Variants in CREB5 observed in about 807,000 individuals in gnomAD.
CREB5 encodes cAMP responsive element binding protein 5, also known as cyclic AMP-responsive element-binding protein 5.
Under a neutral mutation model 57.1 loss-of-function variants are expected in CREB5, and 19 were observed. That is an observed-to-expected ratio of 0.33 (90% confidence interval 0.23 to 0.49). The LOEUF is 0.49. Ranked by LOEUF, CREB5 falls within the 20% of genes least tolerant of loss-of-function variation. The pLI, the probability that CREB5 is intolerant of heterozygous loss-of-function variation, is 0.99. For missense variants in CREB5, 579 were observed against 671.6 expected, an observed-to-expected ratio of 0.86 and a Z score of 1.52; for synonymous variants, 238 against 238.3, an observed-to-expected ratio of 1.00 and a Z score of 0.01.
chr7:28,541,406 A>G (rs1218069495), intron 4 of CREB5, among the ~76,000 whole-genome samples: 1 of 152,130 alleles, frequency 6.6e-6, no homozygotes, highest in African/African-American at 2.4e-5. Flanking sequence ...GGTGGCTCAC[A>G]CCTGTAATCC....
At chr7:28,346,434 A>G (rs1301069375) in intron 1 of CREB5, among the ~76,000 whole-genome samples, 1 of 152,234 alleles carries the variant, frequency 6.6e-6, no homozygotes, top group East Asian at 1.9e-4. Context: ...CGAGGGCTCC[A>G]CTCTCATGAC....
intron 5 of CREB5, among the ~76,000 whole-genome samples, chr7:28,673,901 T>C (rs1282640069): frequency 6.6e-6 from 1 of 152,022 alleles, no homozygotes; most frequent in African/African-American, 2.4e-5. Flanking sequence ...CTCAAACTCC[T>C]GGACTCAAGT....
chr7:28,491,306 G>T (rs141357850), intron 2 of CREB5: 385 of 964,524 alleles, frequency 4.0e-4, no homozygotes, highest in Middle Eastern at 2.7e-3. Context: ...GAAGATAAAG[G>T]GTGTAGACAA....
chr7:28,635,683 T>A, intron 5 of CREB5, among the ~76,000 whole-genome samples: 1 of 152,250 alleles, frequency 6.6e-6, no homozygotes, highest in East Asian at 1.9e-4. Context: ...CTATCTATGT[T>A]AATTTTGGTT....
intron 4 of CREB5, among the ~76,000 whole-genome samples, chr7:28,523,480 T>C (rs928626180): frequency 3.9e-5 from 6 of 152,170 alleles, no homozygotes; most frequent in Non-Finnish European, 5.9e-5. Context: ...AAAGGAAAGT[T>C]TGGCTTTTTT....
chr7:28,371,610 A>G (rs1786707637), intron 1 of CREB5, among the ~76,000 whole-genome samples: 1 of 152,116 alleles, frequency 6.6e-6, no homozygotes, highest in Non-Finnish European at 1.5e-5. Context: ...TGGCCCCAGC[A>G]GTCCTTTAGT....
At chr7:28,632,029 T>G (rs1025557856) in intron 5 of CREB5, among the ~76,000 whole-genome samples, 5 of 152,176 alleles carry the variant, frequency 3.3e-5, no homozygotes, top group African/African-American at 1.2e-4. Flanking sequence ...TAAAGTAGGC[T>G]AAACCCATGT....
At chr7:28,717,712 C>T (rs1308569378) in intron 5 of CREB5, among the ~76,000 whole-genome samples, 1 of 152,218 alleles carries the variant, frequency 6.6e-6, no homozygotes, top group African/African-American at 2.4e-5. Context: ...ATTCTGGAAG[C>T]ACTAGTTTCT....
intron 4 of CREB5, among the ~76,000 whole-genome samples, chr7:28,548,698 C>T (rs1794509567): frequency 6.6e-6 from 1 of 152,192 alleles, no homozygotes; most frequent in South Asian, 2.1e-4. Context: ...GCAGATTCTT[C>T]TTTTAATCAC....
chr7:28,445,753 G>A (rs112660012), intron 1 of CREB5, among the ~76,000 whole-genome samples: 35,507 of 151,302 alleles, frequency 0.23, 4,477 homozygotes, highest in East Asian at 0.46. Flanking sequence ...GGGTTTCACT[G>A]TGTTAGCCAG....
intron 4 of CREB5, among the ~76,000 whole-genome samples, chr7:28,515,281 G>A (rs1792895106): frequency 2.0e-5 from 3 of 152,144 alleles, no homozygotes; most frequent in Admixed American, 2.0e-4. Flanking sequence ...GACCGTCTTG[G>A]CCTTTCTCTG....
At chr7:28,747,672 C>G (rs1562614437) in intron 7 of CREB5, among the ~76,000 whole-genome samples, 1 of 152,162 alleles carries the variant, frequency 6.6e-6, no homozygotes, top group Non-Finnish European at 1.5e-5. Flanking sequence ...TTTCCAGTCT[C>G]TCCCTCTGAG....
intron 5 of CREB5, chr7:28,614,965 C>G (rs371457867): frequency 6.6e-6 from 1 of 152,326 alleles, no homozygotes; most frequent in Non-Finnish European, 1.5e-5. Flanking sequence ...TACCATTTCT[C>G]CACCTAAAAT....
chr7:28,659,913 A>C (rs944871778), intron 5 of CREB5, among the ~76,000 whole-genome samples: 4 of 152,184 alleles, frequency 2.6e-5, no homozygotes, highest in Non-Finnish European at 5.9e-5. Context: ...AGGATTTTCT[A>C]GAAGACATAA....
chr7:28,513,651 T>A (rs1361162990), intron 4 of CREB5: 1 of 152,210 alleles, frequency 6.6e-6, no homozygotes, highest in African/African-American at 2.4e-5. Context: ...GCCCTCATCT[T>A]AGGTGGAATT....
chr7:28,411,420 A>T (rs1429427570), upstream of CREB5, among the ~76,000 whole-genome samples: 2 of 152,118 alleles, frequency 1.3e-5, no homozygotes, highest in African/African-American at 4.8e-5. Context: ...TCTTAACCTT[A>T]AGTTTCTATG....
intron 5 of CREB5, among the ~76,000 whole-genome samples, chr7:28,618,204 A>G (rs1390268291): frequency 2.0e-5 from 3 of 152,120 alleles, no homozygotes; most frequent in Non-Finnish European, 4.4e-5. Context: ...GTTGGAAACA[A>G]CTGTCCTGCT....
At chr7:28,388,812 T>C (rs1787158738) in intron 1 of CREB5, among the ~76,000 whole-genome samples, 1 of 152,240 alleles carries the variant, frequency 6.6e-6, no homozygotes, top group Non-Finnish European at 1.5e-5. Flanking sequence ...TTGAGGTATC[T>C]CTGAAATCAG....
chr7:28,541,706 C>CCTGTA (rs1794217945), intron 4 of CREB5, among the ~76,000 whole-genome samples: 1 of 152,112 alleles, frequency 6.6e-6, no homozygotes, highest in South Asian at 2.1e-4. Context: ...AAACCTTAGT[C>CCTGTA]CTGTATCAAA....
Sources: gnomAD v4.1 joint callset for allele counts (sites outside exome capture counted in the v4.1 genomes callset) on GRCh38, gnomAD v4.1.1 for gene constraint, MANE v1.5 for transcripts, NCBI Gene and HGNC (gene_info 2026-07-23, HGNC 2026-07-21) for gene names.